UPK1B: variants seen among roughly 807,000 people sequenced by gnomAD.
The protein encoded by UPK1B is uroplakin 1B, also known as uroplakin-1b.
A neutral mutation model predicts 34.2 loss-of-function variants in UPK1B; 28 were observed. The ratio of observed to expected loss-of-function variants is 0.82; its 90% CI spans 0.61 to 1.12. UPK1B has a LOEUF of 1.12. UPK1B is among the 50% of genes most tolerant of loss of function. The pLI is 0.00. For synonymous variants in UPK1B, 81 were observed against 110.4 expected, an observed-to-expected ratio of 0.73 and a Z score of 1.67; for missense variants, 325 against 320.9, an observed-to-expected ratio of 1.01 and a Z score of -0.10.
At chr3:119,190,883 A>G in intron 4 of UPK1B, 99 bp from the exon 5 acceptor site, 2 of 1,519,480 alleles carry the variant, frequency 1.3e-6, no homozygotes, top group South Asian at 1.3e-5. Flanking sequence ...CCAGGAGAGA[A>G]TGTTCAGTGT....
At chr3:119,185,444 T>A (rs2078013453) in intron 1 of UPK1B, among the ~76,000 whole-genome samples, 1 of 152,100 alleles carries the variant, frequency 6.6e-6, no homozygotes, top group Admixed American at 6.6e-5. Context: ...ACTCCCTAAC[T>A]TTTCCTTTCT....
rs1293357139 is a variant in UPK1B at position 119,179,505 on chromosome 3, G to GTTTTTTTTTTTT, written c.-29+5868_-29+5869insTTTTTTTTTTTT. 1.3e-4 allele frequency among the ~76,000 whole-genome samples: 6 copies of GTTTTTTTTTTTT among 45,242 alleles called. 1 individual carries two copies. Among genetic ancestry groups the GTTTTTTTTTTTT allele is most frequent in the African/African-American group, 3.6e-4 (5 of 13,992 alleles). The allele number at this position is 45,242 out of a possible 152,430, so 29.7% of individuals were successfully genotyped here. A position where few individuals can be genotyped will look rare whatever the true frequency, so the allele number is the denominator to read the frequency against. On this transcript the variant is annotated intron_variant, in intron 1 of 7. Transcript: ENST00000264234. Reference sequence around the variant, plus strand: ...AATTTGGGGAAGAGTTGATGTTGCAGTCTTTTTTTTTTTTTTTTTTTTGAG... The same window carrying GTTTTTTTTTTTT: ...AATTTGGGGAAGAGTTGATGTTGCAGTTTTTTTTTTTTTCTTTTTTTTTTTTTTTTTTTTGAG...
chr3:119,188,285 C>T (rs1367103325), intron 3 of UPK1B, among the ~76,000 whole-genome samples: 1 of 152,056 alleles, frequency 6.6e-6, no homozygotes, highest in African/African-American at 2.4e-5. Context: ...CAGCTAGGAG[C>T]TATATAGGCC....
intron 1 of UPK1B, among the ~76,000 whole-genome samples, 191 bp downstream of exon 1, chr3:119,173,829 G>T (rs984980763): frequency 6.6e-6 from 1 of 152,080 alleles, no homozygotes; most frequent in Non-Finnish European, 1.5e-5. Context: ...TTGAACCGTT[G>T]GAATTGCTTT....
At chr3:119,192,596 A>C (rs1576870500) in intron 5 of UPK1B, among the ~76,000 whole-genome samples, 1 of 152,242 alleles carries the variant, frequency 6.6e-6, no homozygotes, top group Non-Finnish European at 1.5e-5. Flanking sequence ...ACCCGACCTC[A>C]TATGTTTTTA....
intron 1 of UPK1B, among the ~76,000 whole-genome samples, chr3:119,182,545 G>A (rs2077994077): frequency 2.0e-5 from 3 of 152,166 alleles, no homozygotes; most frequent in South Asian, 2.1e-4. Flanking sequence ...TTTTATAAAC[G>A]AGGAAGTAGA....
At chr3:119,179,751 C>T (rs1392889999) in intron 1 of UPK1B, among the ~76,000 whole-genome samples, 1 of 146,064 alleles carries the variant, frequency 6.8e-6, no homozygotes, top group Non-Finnish European at 1.5e-5. Flanking sequence ...TCGTGATCCA[C>T]CCGCCTCGGC....
intron 1 of UPK1B, among the ~76,000 whole-genome samples, chr3:119,183,995 G>C (rs2078001789): frequency 6.6e-6 from 1 of 151,976 alleles, no homozygotes. Flanking sequence ...CTTGCCCACT[G>C]ACATATCACC....
At chr3:119,178,160 A>G (rs1194072698) in intron 1 of UPK1B, among the ~76,000 whole-genome samples, 1 of 152,230 alleles carries the variant, frequency 6.6e-6, no homozygotes, top group Non-Finnish European at 1.5e-5. Flanking sequence ...CCTTGAATAC[A>G]CACTGAGGAG....
At position 119,203,914 on chromosome 3, in the gene UPK1B, C is replaced by T; in HGVS notation, c.733-3C>T. The T allele has an allele frequency of 6.2e-7, 1 of 1,613,394 alleles. No homozygotes were observed. On this transcript the variant is annotated splice_polypyrimidine_tract_variant and splice_region_variant and intron_variant, in intron 7 of 7. Coordinates refer to ENST00000264234, the MANE Select transcript of UPK1B (RefSeq NM_006952.4). Reference sequence around the variant, plus strand: ...TATTTTTCCTTGTTTTTTTCTATTCCAGTTTTGGGTTCTCCTGGGTACCAT... The same window carrying T: ...TATTTTTCCTTGTTTTTTTCTATTCTAGTTTTGGGTTCTCCTGGGTACCAT...
chr3:119,194,903 A>G (rs944640125), intron 6 of UPK1B, among the ~76,000 whole-genome samples: 3 of 152,246 alleles, frequency 2.0e-5, no homozygotes, highest in African/African-American at 7.2e-5. Flanking sequence ...GTTTACATAC[A>G]GATAGTTTTT....
Position 119,204,191 on chromosome 3 carries a change from T to C in UPK1B, c.*224T>C. 1 of 497,660 alleles carries C rather than the reference T, an allele frequency of 2.0e-6. No individual in the cohort carries two copies. Among genetic ancestry groups the C allele is most frequent in the Non-Finnish European group, 3.5e-6 (1 of 282,026 alleles). The allele number at this position is 497,660 out of a possible 1,614,324, so 30.8% of individuals were successfully genotyped here. The stretch of plus-strand genomic sequence containing the variant: ...ATTCTGCAACATTTATATAGACTGT[T>C]GAAAGGAGAATTTGAAAAATGCATA... On this transcript the variant is annotated 3_prime_UTR_variant, in exon 8 of 8. Coordinates refer to ENST00000264234, the MANE Select transcript of UPK1B (RefSeq NM_006952.4).
At chr3:119,178,083 G>C (rs2077965924) in intron 1 of UPK1B, among the ~76,000 whole-genome samples, 1 of 151,888 alleles carries the variant, frequency 6.6e-6, no homozygotes. Context: ...GGACACCAAA[G>C]GGTTGGGGGG....
chr3:119,178,725 A>G (rs1373001362), intron 1 of UPK1B, among the ~76,000 whole-genome samples: 1 of 152,246 alleles, frequency 6.6e-6, no homozygotes, highest in Non-Finnish European at 1.5e-5. Context: ...TTTTTCCTCA[A>G]ATTAGGAAAT....
intron 1 of UPK1B, among the ~76,000 whole-genome samples, chr3:119,182,043 A>T (rs2077992262): frequency 6.6e-6 from 1 of 152,226 alleles, no homozygotes; most frequent in Admixed American, 6.5e-5. Context: ...CCCAATGGCG[A>T]GTGTTAACTG....
At position 119,184,086 on chromosome 3, in the gene UPK1B, C is replaced by T. The variant is rs1439602678; in HGVS notation, c.-28-2628C>T. On this transcript the variant is annotated intron_variant, in intron 1 of 7. Transcript: ENST00000264234. ...CTTGCCTAGGTTTCTTCAATTTATG[C>T]TTTTCTTTTTGCTCAGAGCAAGTTT... Among the ~76,000 whole-genome samples, 3 of 152,152 alleles carry T rather than the reference C, an allele frequency of 2.0e-5. No individual in the cohort carries two copies. The East Asian group carries it at 5.8e-4, about 29-fold the overall frequency.
intron 1 of UPK1B, 86 bp from the exon 2 acceptor site, chr3:119,186,628 C>A: frequency 1.0e-6 from 1 of 990,320 alleles, no homozygotes. Flanking sequence ...GGTTTGGATG[C>A]TTTGGGAACA....
At position 119,194,321 on chromosome 3, in the gene UPK1B, T is replaced by A. The variant is rs1195956727; in HGVS notation, c.571T>A (p.Cys191Ser). The change falls in exon 6 of 8, where the codon TGT becomes AGT. Residue 191 changes from cysteine (C) to serine (S), a missense_variant. By Grantham distance (112) the Cys-to-Ser change is moderately radical. Coordinates refer to ENST00000264234, the MANE Select transcript of UPK1B (RefSeq NM_006952.4). The part of the protein sequence containing the change: ...DADYPWPRQC[C>S]VMNNLKEPLN... The stretch of plus-strand genomic sequence containing the variant: ...TGACTATCCCTGGCCTCGTCAATGC[T>A]GTGTTATGAACAATCTTAAAGAACC... 5.0e-6 allele frequency: 8 copies of A among 1,614,030 alleles called. No homozygotes were observed. The highest frequency in any genetic ancestry group is 6.8e-6 in the Non-Finnish European group (8 of 1,179,916).
chr3:119,179,736 T>A (rs1276081784), intron 1 of UPK1B, among the ~76,000 whole-genome samples: 3 of 143,254 alleles, frequency 2.1e-5, no homozygotes, highest in Non-Finnish European at 4.5e-5. Context: ...CTCCATCTCC[T>A]GACCTCGTGA....
Sources: allele counts gnomAD v4.1 joint callset (sites outside exome capture counted in the v4.1 genomes callset), GRCh38; gene constraint gnomAD v4.1.1; transcripts MANE v1.5; gene names NCBI Gene and HGNC (gene_info 2026-07-23, HGNC 2026-07-21).